The following MED24 variants were observed in gnomAD, a reference collection of about 807,000 sequenced individuals.
The protein encoded by MED24 is mediator complex subunit 24.
In MED24, 74 loss-of-function variants were observed where a neutral mutation model predicts 118.8. The observed-to-expected ratio is 0.62, with a 90% confidence interval of 0.52 to 0.76. The LOEUF (loss-of-function observed/expected upper bound fraction) is 0.76, where lower values mean the gene tolerates loss of function less well. MED24 is among the 30% of genes least tolerant of loss of function. The probability of loss-of-function intolerance (pLI) is 0.00; values close to 1 mark genes in which losing one functional copy is unlikely to be tolerated. For missense variants in MED24, 1,041 were observed against 1,278.9 expected (o/e 0.81, Z 2.84); for synonymous variants, 521 against 523.9 (o/e 0.99, Z 0.08).
chr17:40,029,288 C>A (rs1277593606), intron 13 of MED24, among the ~76,000 whole-genome samples: 1 of 152,082 alleles, frequency 6.6e-6, no homozygotes, highest in Non-Finnish European at 1.5e-5. Flanking sequence ...AACCTCTGCC[C>A]CCCAGGGTTC....
chr17:40,035,683 G>A, intron 5 of MED24, 39 bp downstream of exon 5: 1 of 1,595,770 alleles, frequency 6.3e-7, no homozygotes, highest in Non-Finnish European at 8.6e-7. Flanking sequence ...AGACAAGGCT[G>A]GAACATTGTA....
intron 16 of MED24, 167 bp downstream of exon 16, chr17:40,027,216 T>C (rs1598340125): frequency 3.7e-6 from 4 of 1,079,234 alleles, no homozygotes; most frequent in East Asian, 5.2e-5. Context: ...AATGTGAACA[T>C]AGGGCTGAAG....
At chr17:40,034,796 C>T in intron 6 of MED24, 1 of 689,888 alleles carries the variant, frequency 1.4e-6, no homozygotes, top group African/African-American at 1.8e-5. Flanking sequence ...GTCTTGCTAC[C>T]CACTAGCAGC....
chr17:40,029,130 C>T lies in MED24; in HGVS notation c.1267-162G>A, dbSNP rs1190736252. ...CTAAAACCCACCCCTGCTCTCCGAT[C>T]CATCCCTCTCATCTACACTGGCATG... On this transcript the variant is annotated intron_variant, in intron 13 of 25. Coordinates refer to ENST00000394128, the MANE Select transcript of MED24 (RefSeq NM_014815.4). 3.2e-6 allele frequency: 3 copies of T among 924,702 alleles called. No individual in the cohort carries two copies. The Admixed American group carries it at 7.4e-5, about 23-fold the overall frequency. The allele number at this position is 924,702 out of a possible 1,614,324, so 57.3% of individuals were successfully genotyped here.
At chr17:40,019,711 G>A in intron 25 of MED24, 66 bp from the exon 26 acceptor site, 1 of 1,587,002 alleles carries the variant, frequency 6.3e-7, no homozygotes, top group Non-Finnish European at 8.6e-7. Context: ...CCAGGGGGAA[G>A]GAGGCCCCTC....
chr17:40,029,824 G>C lies in MED24; in HGVS notation c.1190C>G (p.Ser397Trp), dbSNP rs528054691. ...ADREHAPQQK[S>W]GENANIQPNI... is the part of the protein sequence containing the mutation. Reference sequence around the variant, plus strand: ...GGGCTGGATGTTGGCATTCTCTCCCGATTTCTGCTGGGGTGCGTGCTCTCG... The same window carrying C: ...GGGCTGGATGTTGGCATTCTCTCCCCATTTCTGCTGGGGTGCGTGCTCTCG... The change falls in exon 13 of 26, where the codon TCG (serine) becomes TGG (tryptophan). Residue 397 changes from serine to tryptophan, a missense_variant. By Grantham distance (177) the Ser-to-Trp change is radical. Around this residue, in one of 3 missense-constraint regions of MED24, gnomAD observed 434 missense variants for 514.9 expected, o/e 0.84. Coordinates refer to ENST00000394128, the MANE Select transcript of MED24 (RefSeq NM_014815.4). 2 of 1,614,090 alleles carry C rather than the reference G, an allele frequency of 1.2e-6. No individual in the cohort carries two copies. Among genetic ancestry groups the C allele is most frequent in the Non-Finnish European group, 1.7e-6 (2 of 1,179,950 alleles).
chr17:40,033,753 G>A lies in MED24; in HGVS notation c.560-297C>T, dbSNP rs746885971. The stretch of plus-strand genomic sequence containing the variant: ...ACAGGCTCAGGAGAGAGAGGCAGAG[G>A]GAGGCCAGAATCCAGTGGCTGGAAC... On this transcript the variant is annotated intron_variant, in intron 6 of 25. Transcript: ENST00000394128. This position sits in a 1 kb window ranked among gnomAD's most constrained non-coding sequence, Gnocchi z 5.2. The A allele has an allele frequency of 1.8e-6, 1 of 549,104 alleles. No homozygotes were observed. The highest frequency in any genetic ancestry group is 1.5e-5 in the South Asian group (1 of 65,408). The allele number at this position is 549,104 out of a possible 1,614,324, so 34.0% of individuals were successfully genotyped here.
intron 19 of MED24, among the ~76,000 whole-genome samples, chr17:40,024,876 C>A (rs1982461357): frequency 6.6e-6 from 1 of 152,100 alleles, no homozygotes; most frequent in Non-Finnish European, 1.5e-5. Flanking sequence ...GCTGGGATTG[C>A]AGGCGCCTGC....
chr17:40,035,604 T>G, intron 5 of MED24, 118 bp downstream of exon 5: 1 of 1,062,376 alleles, frequency 9.4e-7, no homozygotes, highest in Non-Finnish European at 1.3e-6. Context: ...GATGGGCAGG[T>G]GGGGAGAAAA....
intron 3 of MED24, among the ~76,000 whole-genome samples, chr17:40,039,264 CTG>C (rs1984284702): frequency 6.6e-6 from 1 of 152,214 alleles, no homozygotes; most frequent in African/African-American, 2.4e-5. Flanking sequence ...ACATGACGAA[CTG>C]TTTTACACAG....
intron 19 of MED24, 115 bp downstream of exon 19, chr17:40,026,041 A>C: frequency 9.6e-7 from 1 of 1,040,088 alleles, no homozygotes; most frequent in Non-Finnish European, 1.4e-6. Flanking sequence ...AAAGTGAGTG[A>C]GTGATCAAGT....
intron 3 of MED24, among the ~76,000 whole-genome samples, chr17:40,039,267 TTTTACACAGCA>T (rs1276220505): frequency 6.6e-6 from 1 of 152,180 alleles, no homozygotes; most frequent in East Asian, 1.9e-4. Flanking sequence ...TGACGAACTG[TTTTACACAGCA>T]GGATCTGGCC....
At chr17:40,037,852 A>G (rs968580550) in intron 3 of MED24, among the ~76,000 whole-genome samples, 2 of 151,766 alleles carry the variant, frequency 1.3e-5, no homozygotes, top group Non-Finnish European at 2.9e-5. Flanking sequence ...CAGAGCTTGC[A>G]GTGAGCCGAG....
intron 19 of MED24, 47 bp downstream of exon 19, chr17:40,026,109 C>T: frequency 6.4e-7 from 1 of 1,571,108 alleles, no homozygotes; most frequent in Non-Finnish European, 8.7e-7. Flanking sequence ...GTGCTGACTT[C>T]TCACAACACA....
chr17:40,022,989 A>T, intron 20 of MED24, 142 bp downstream of exon 20: 1 of 1,357,024 alleles, frequency 7.4e-7, no homozygotes, highest in Non-Finnish European at 1.0e-6. Context: ...GAGCTCCCCA[A>T]GGAGGCAACT....
rs149663866 is a variant in MED24, at chr17:40,028,389, C to T, written c.1409+437G>A. On this transcript the variant is annotated intron_variant, in intron 14 of 25. Coordinates refer to ENST00000394128, the MANE Select transcript of MED24 (RefSeq NM_014815.4). ...TTGGCCTCCCTAAGTGCTAGGATTA[C>T]AGGCGTGAGCCACCGCACCCGGCCA... Among the ~76,000 whole-genome samples the T allele has an allele frequency of 4.5e-3, 691 of 152,302 alleles. 6 individuals carry two copies. The highest frequency in any genetic ancestry group is 6.9e-3 in the Non-Finnish European group (469 of 68,028).
At chr17:40,020,424 C>T (rs1981833822) in intron 23 of MED24, 71 bp from the exon 24 acceptor site, 1 of 1,550,972 alleles carries the variant, frequency 6.4e-7, no homozygotes, top group East Asian at 2.4e-5. Context: ...CCCGGGGATG[C>T]CCCAACCCGA....
At chr17:40,029,895 G>C in intron 12 of MED24, 36 bp from the exon 13 acceptor site, 1 of 1,585,878 alleles carries the variant, frequency 6.3e-7, no homozygotes, top group Non-Finnish European at 8.7e-7. Context: ...GAAGGGAAGA[G>C]GAATGAAGAG....
At chr17:40,047,460 G>C (rs1474202070) in intron 3 of MED24, among the ~76,000 whole-genome samples, 1 of 151,528 alleles carries the variant, frequency 6.6e-6, no homozygotes, top group Non-Finnish European at 1.5e-5. Context: ...AGGAGTTCGA[G>C]ACCAGCCTGA....
Sources: allele counts gnomAD v4.1 joint callset (sites outside exome capture counted in the v4.1 genomes callset), GRCh38; gene constraint gnomAD v4.1.1; regional missense constraint gnomAD v4.1.1; non-coding constraint Gnocchi (gnomAD v3.1); transcripts MANE v1.5; gene names NCBI Gene and HGNC (gene_info 2026-07-23, HGNC 2026-07-21).